Variants in GPSM1 observed in about 807,000 individuals in gnomAD.
The protein encoded by GPSM1 is G protein-signaling modulator 1.
In GPSM1, 48 loss-of-function variants were observed where a neutral mutation model predicts 70.5. That is an observed-to-expected ratio of 0.68 (90% CI 0.54 to 0.87). GPSM1 has a LOEUF of 0.87. GPSM1 is among the 40% of genes least tolerant of loss of function. The pLI is 0.00. For missense variants in GPSM1, 981 were observed against 972.6 expected (o/e 1.01, Z -0.11); for synonymous variants, 416 against 430.1 (o/e 0.97, Z 0.41).
In GPSM1 at chr9:136,358,327, T is replaced by G. The variant is rs1202290036; in HGVS notation, c.*107T>G. 4.7e-6 allele frequency: 5 copies of G among 1,061,658 alleles called. No homozygotes were observed. Among genetic ancestry groups the G allele is most frequent in the Non-Finnish European group, 6.8e-6 (5 of 735,820 alleles). 65.8% of individuals were successfully genotyped at this position (1,061,658 alleles called of 1,614,324 possible). A position where few individuals can be genotyped will look rare whatever the true frequency, so the allele number is the denominator to read the frequency against. The stretch of plus-strand genomic sequence containing the variant: ...CATTGCCGAGGACAGGCACTGGGCA[T>G]GCAGCCCCACGGCCTCCCCGACCCA... On this transcript the variant is annotated 3_prime_UTR_variant, in exon 14 of 14. Coordinates refer to ENST00000440944, the MANE Select transcript of GPSM1 (RefSeq NM_001145638.3).
intron 13 of GPSM1, among the ~76,000 whole-genome samples, chr9:136,357,656 C>T (rs1204024591): frequency 5.9e-5 from 9 of 152,352 alleles, no homozygotes; most frequent in Admixed American, 5.9e-4. Context: ...GGGACGGCCA[C>T]GCATGCCCGT....
chr9:136,348,602 C>T lies in GPSM1; in HGVS notation c.1208-95C>T, dbSNP rs375210452. 9.3e-5 allele frequency: 82 copies of T among 879,428 alleles called. No homozygotes were observed. In the African/African-American group the frequency reaches 1.3e-3, roughly 14 times the overall value. The allele number at this position is 879,428 out of a possible 1,614,324, so 54.5% of individuals were successfully genotyped here. ...GGGCTGGCTGTCAGAAAGCCATGGC[C>T]GGGCTGGTCCTTGGCCCCCCAGAGA... On this transcript the variant is annotated intron_variant, in intron 9 of 13. Coordinates refer to ENST00000440944, the MANE Select transcript of GPSM1 (RefSeq NM_001145638.3).
chr9:136,338,046 G>A, intron 6 of GPSM1, 85 bp downstream of exon 6: 1 of 857,350 alleles, frequency 1.2e-6, no homozygotes, highest in Non-Finnish European at 1.8e-6. Flanking sequence ...CCCAAGCTGG[G>A]AATCTGACTG....
chr9:136,337,611 G>A (rs1832276723), intron 5 of GPSM1, 47 bp downstream of exon 5: 2 of 1,526,820 alleles, frequency 1.3e-6, no homozygotes, highest in Non-Finnish European at 1.8e-6. Flanking sequence ...CTGCTGCAGG[G>A]GCAGGGCTGA....
In GPSM1 at chr9:136,348,760, TG is replaced by T; in HGVS notation, c.1273del (p.Glu425SerfsTer26). 1 of 1,610,790 alleles carries T rather than the reference TG, an allele frequency of 6.2e-7. No homozygotes were observed. The highest frequency in any genetic ancestry group is 2.2e-5 in the East Asian group (1 of 44,838). On this transcript the variant is annotated frameshift_variant, in exon 10 of 14. Transcript: ENST00000440944. LOFTEE classifies it high-confidence loss of function. ...AETWDLLRLP[L>X]EREQNGDSHH... ...ACCTGGGACCTGCTGAGACTCCCCC[TG>T]GAGCGGGTGAGCCAGGGACACGGGA...
At chr9:136,334,886 G>T (rs1205345728) in intron 2 of GPSM1, among the ~76,000 whole-genome samples, 1 of 152,172 alleles carries the variant, frequency 6.6e-6, no homozygotes, top group Non-Finnish European at 1.5e-5. Context: ...GGTGAGTGGG[G>T]GTGGCCCTGC....
At chr9:136,333,631 G>C (rs1554768778) in intron 1 of GPSM1, among the ~76,000 whole-genome samples, 1 of 152,218 alleles carries the variant, frequency 6.6e-6, no homozygotes, top group African/African-American at 2.4e-5. Context: ...AAGAGGGCCT[G>C]GCCCTTGGGG....
chr9:136,334,547 G>T lies in GPSM1; in HGVS notation c.169G>T (p.Val57Leu). The change falls in exon 2 of 14, where the codon GTG becomes TTG. Residue 57 changes from valine to leucine, a missense_variant. Transcript: ENST00000440944. ...GVAFFEAAVQVGTEDLKTLSA... is the reference protein window; with the variant it reads ...GVAFFEAAVQLGTEDLKTLSA... ...GGCCTTCTTTGAGGCTGCTGTGCAG[G>T]TGGGCACCGAGGACCTGAAGACACT... The T allele has an allele frequency of 1.2e-6, 2 of 1,613,342 alleles. No homozygotes were observed. Among genetic ancestry groups the T allele is most frequent in the Non-Finnish European group, 1.7e-6 (2 of 1,179,926 alleles).
rs930598909 is a variant in GPSM1 at position 136,358,800 on chromosome 9, G to C, written c.*580G>C. ...ACCACGCATGGCAGACCAGGCTGCA[G>C]TGGCAGCCCTGAGGTGCCCCCCGCC... On this transcript the variant is annotated 3_prime_UTR_variant, in exon 14 of 14. Coordinates refer to ENST00000440944, the MANE Select transcript of GPSM1 (RefSeq NM_001145638.3). The C allele has an allele frequency of 1.9e-5, 3 of 158,812 alleles. No homozygotes were observed. The highest frequency in any genetic ancestry group is 7.2e-5 in the African/African-American group (3 of 41,502). 9.8% of individuals were successfully genotyped at this position (158,812 alleles called of 1,614,324 possible). A position where few individuals can be genotyped will look rare whatever the true frequency, so the allele number is the denominator to read the frequency against.
chr9:136,337,606 G>A, intron 5 of GPSM1, 42 bp downstream of exon 5: 1 of 1,530,330 alleles, frequency 6.5e-7, no homozygotes, highest in Non-Finnish European at 8.9e-7. Flanking sequence ...CCGGGCTGCT[G>A]CAGGGGCAGG....
At position 136,358,260 on chromosome 9, in the gene GPSM1, C is replaced by T; in HGVS notation, c.*40C>T. 6.8e-7 allele frequency: 1 copy of T among 1,479,396 alleles called. No individual in the cohort carries two copies. Among genetic ancestry groups the T allele is most frequent in the Non-Finnish European group, 9.1e-7 (1 of 1,098,140 alleles). The allele number at this position is 1,479,396 out of a possible 1,614,324, so 91.6% of individuals were successfully genotyped here. A position where few individuals can be genotyped will look rare whatever the true frequency, so the allele number is the denominator to read the frequency against. ...CGCCAGGCCCACCCTGCCCCCACTC[C>T]TGGACGCCGGTCTCACAGTCACAGC... On this transcript the variant is annotated 3_prime_UTR_variant, in exon 14 of 14. Transcript: ENST00000440944.
intron 11 of GPSM1, among the ~76,000 whole-genome samples, chr9:136,352,425 G>A (rs1386550269): frequency 2.0e-5 from 3 of 152,262 alleles, no homozygotes; most frequent in African/African-American, 7.2e-5. Context: ...GATCTGAGGC[G>A]GTGTGGCTGG....
rs1038265650 is a variant in GPSM1, at chr9:136,343,098, A to C, written c.1207+2105A>C. Among the ~76,000 whole-genome samples the C allele has an allele frequency of 9.1e-4, 139 of 152,186 alleles. No homozygotes were observed. The highest frequency in any genetic ancestry group is 3.1e-3 in the African/African-American group (127 of 41,524). ...GCTGGCCCCTCCCCAGCCAGCAGAG[A>C]AGCCCCAGAAGTGTGTCTGGGGGTC... On this transcript the variant is annotated intron_variant, in intron 9 of 13. Coordinates refer to ENST00000440944, the MANE Select transcript of GPSM1 (RefSeq NM_001145638.3). The surrounding 1 kb of genome is among the most constrained non-coding windows in gnomAD (Gnocchi z 6.0).
Position 136,358,062 on chromosome 9 carries a change from C to A in GPSM1, c.1870C>A (p.Arg624=). ...QRCPPPDVLP[R]GPTMPDEDFF... is the part of the protein sequence containing the mutation. ...CTGCCCGCCACCTGACGTACTGCCCCGGGGCCCTACCATGCCGGACGAGGA... is the reference window on the plus strand; with the variant it reads ...CTGCCCGCCACCTGACGTACTGCCCAGGGGCCCTACCATGCCGGACGAGGA... The change falls in exon 14 of 14, where the codon CGG becomes AGG. Residue 624 remains arginine, a synonymous_variant. Transcript: ENST00000440944. The A allele has an allele frequency of 6.2e-7, 1 of 1,612,746 alleles. No homozygotes were observed. The highest frequency in any genetic ancestry group is 8.5e-7 in the Non-Finnish European group (1 of 1,179,822).
chr9:136,354,819 A>G (rs1236020196), intron 11 of GPSM1: 3 of 994,126 alleles, frequency 3.0e-6, no homozygotes, highest in East Asian at 2.3e-4. Flanking sequence ...TGTGTAGGGC[A>G]TGGACACAGG....
Sources: gnomAD v4.1 joint callset for allele counts (sites outside exome capture counted in the v4.1 genomes callset) on GRCh38, gnomAD v4.1.1 for gene constraint, Gnocchi (gnomAD v3.1) non-coding constraint, MANE v1.5 for transcripts, NCBI Gene and HGNC (gene_info 2026-07-23, HGNC 2026-07-21) for gene names.